The following CRBN variants were observed in gnomAD, a reference collection of about 807,000 sequenced individuals.
The protein encoded by CRBN is protein cereblon.
CRBN carries 53 observed loss-of-function variants against 62.2 expected under a neutral mutation model. The ratio of observed to expected loss-of-function variants is 0.85; its 90% CI spans 0.68 to 1.07. The LOEUF is 1.07. CRBN is among the 50% of genes least tolerant of loss of function. CRBN has a pLI of 0.00. For synonymous variants in CRBN, 208 were observed against 176.1 expected (o/e 1.18, Z -1.43); for missense variants, 616 against 531.1 (o/e 1.16, Z -1.57).
intron 4 of CRBN, among the ~76,000 whole-genome samples, chr3:3,171,994 C>G (rs1707636445): frequency 6.6e-6 from 1 of 152,144 alleles, no homozygotes; most frequent in South Asian, 2.1e-4. Flanking sequence ...GAGGTAATAT[C>G]CAGTGATCAA....
intron 5 of CRBN, among the ~76,000 whole-genome samples, chr3:3,161,257 G>A (rs1707128439): frequency 6.6e-6 from 1 of 152,268 alleles, no homozygotes. Flanking sequence ...TCAACAAGCC[G>A]TAGAAAAATG....
intron 4 of CRBN, among the ~76,000 whole-genome samples, chr3:3,171,554 A>C (rs964093633): frequency 2.0e-5 from 3 of 152,208 alleles, no homozygotes; most frequent in African/African-American, 7.2e-5. Context: ...AGGCTATCAA[A>C]GTTTGCACAG....
chr3:3,167,994 A>G (rs1490964494), intron 4 of CRBN, among the ~76,000 whole-genome samples: 3 of 152,038 alleles, frequency 2.0e-5, no homozygotes, highest in Non-Finnish European at 4.4e-5. Flanking sequence ...GTTAAAACCA[A>G]AGATAACCTA....
At chr3:3,152,722 T>A in intron 9 of CRBN, 135 bp from the exon 10 acceptor site, 1 of 1,041,558 alleles carries the variant, frequency 9.6e-7, no homozygotes, top group Admixed American at 2.0e-5. Context: ...TTTTATATAA[T>A]ACCAGGATCT....
intron 5 of CRBN, among the ~76,000 whole-genome samples, chr3:3,157,780 TA>T (rs1402395996): frequency 1.4e-4 from 22 of 152,312 alleles, no homozygotes; most frequent in Non-Finnish European, 2.4e-4. Flanking sequence ...GGTGCAAAAG[TA>T]ACTGCGGTTT....
chr3:3,155,662 C>T (rs943500591), intron 6 of CRBN: 3 of 154,194 alleles, frequency 1.9e-5, no homozygotes, highest in African/African-American at 7.2e-5. Flanking sequence ...AATTAATAGA[C>T]TAATGATCAA....
At chr3:3,156,316 C>G (rs1177309033) in intron 5 of CRBN, 35 bp from the exon 6 acceptor site, 2 of 1,574,838 alleles carry the variant, frequency 1.3e-6, no homozygotes, top group Admixed American at 3.3e-5. Flanking sequence ...TAAAAAACCC[C>G]ACAGAATAAA....
Position 3,150,853 on chromosome 3 carries a change from T to TATCA in CRBN, c.*8_*11dup, listed in dbSNP as rs759273775. On this transcript the variant is annotated 3_prime_UTR_variant, in exon 11 of 11. Transcript: ENST00000231948. Reference sequence around the variant, plus strand: ...CCAATTTGTTAGATAACTTTATCTCTATCACATCTGTTTACAAGCAAAGTA... The same window carrying TATCA: ...CCAATTTGTTAGATAACTTTATCTCTATCAATCACATCTGTTTACAAGCAAAGTA... The TATCA allele has an allele frequency of 8.7e-6, 14 of 1,611,782 alleles. No homozygotes were observed. Among genetic ancestry groups the TATCA allele is most frequent in the African/African-American group, 4.0e-5 (3 of 74,864 alleles).
chr3:3,179,688 G>A lies in CRBN; in HGVS notation c.-1C>T. 1 of 1,613,188 alleles carries A rather than the reference G, an allele frequency of 6.2e-7. No individual in the cohort carries two copies. The highest frequency in any genetic ancestry group is 8.5e-7 in the Non-Finnish European group (1 of 1,179,506). Reference sequence around the variant, plus strand: ...CCTGCTGATCTCCTTCGCCGGCCATGTCTGTTTACCCGCAAAGGAGGCTGG... The same window carrying A: ...CCTGCTGATCTCCTTCGCCGGCCATATCTGTTTACCCGCAAAGGAGGCTGG... On this transcript the variant is annotated 5_prime_UTR_variant, in exon 1 of 11. Coordinates refer to ENST00000231948, the MANE Select transcript of CRBN (RefSeq NM_016302.4).
At chr3:3,169,911 A>T (rs1042264831) in intron 4 of CRBN, among the ~76,000 whole-genome samples, 3 of 151,634 alleles carry the variant, frequency 2.0e-5, no homozygotes, top group African/African-American at 7.3e-5. Context: ...AAAAATTTCT[A>T]TGTGTTCAGA....
At chr3:3,155,016 T>C in intron 6 of CRBN, 185 bp from the exon 7 acceptor site, 2 of 606,794 alleles carry the variant, frequency 3.3e-6, no homozygotes, top group Non-Finnish European at 2.9e-6. Flanking sequence ...TGCCCAGCAC[T>C]GTCTGCCTTC....
intron 6 of CRBN, 71 bp downstream of exon 6, chr3:3,156,148 T>G (rs916789765): frequency 7.6e-7 from 1 of 1,314,680 alleles, no homozygotes; most frequent in Non-Finnish European, 1.1e-6. Context: ...AACTAAACCT[T>G]TGTTTTTTAA....
intron 3 of CRBN, 61 bp downstream of exon 3, chr3:3,173,998 C>T: frequency 2.1e-6 from 3 of 1,399,076 alleles, no homozygotes; most frequent in Middle Eastern, 1.8e-4. Context: ...GGCTTCAACA[C>T]TGACCACTGC....
chr3:3,175,622 G>C (rs778076270), intron 1 of CRBN, among the ~76,000 whole-genome samples: 3 of 152,158 alleles, frequency 2.0e-5, no homozygotes, highest in Non-Finnish European at 4.4e-5. Flanking sequence ...CTCTAACTAA[G>C]CTTCATATTT....
intron 1 of CRBN, among the ~76,000 whole-genome samples, chr3:3,175,639 G>A (rs1448067745): frequency 6.6e-6 from 1 of 152,126 alleles, no homozygotes; most frequent in African/African-American, 2.4e-5. Context: ...ATTTTAAATG[G>A]ATTCCCTTAG....
chr3:3,172,409 C>G lies in CRBN; in HGVS notation c.527+367G>C, dbSNP rs1185098721. On this transcript the variant is annotated intron_variant, in intron 4 of 10. Coordinates refer to ENST00000231948, the MANE Select transcript of CRBN (RefSeq NM_016302.4). ...TCTGGTCTCCCTATCCTCTTATGCT[C>G]CGAGAGGCCTTCAATCCTAAAGAAG... The G allele has an allele frequency of 1.0e-5, 3 of 285,812 alleles. No individual in the cohort carries two copies. In the East Asian group the frequency reaches 2.6e-4, roughly 25 times the overall value. The allele number at this position is 285,812 out of a possible 1,614,324, so 17.7% of individuals were successfully genotyped here. A position where few individuals can be genotyped will look rare whatever the true frequency, so the allele number is the denominator to read the frequency against.
Position 3,156,925 on chromosome 3 carries a change from G to A in CRBN, c.688-644C>T, listed in dbSNP as rs531729505. ...AGTTGAATTGTGAATTGTAGAAATT[G>A]TAGAATTTCAGTATTTGAGGGGGAG... On this transcript the variant is annotated intron_variant, in intron 5 of 10. Transcript: ENST00000231948. 4 of 152,440 alleles carry A rather than the reference G, an allele frequency of 2.6e-5. No homozygotes were observed. In the South Asian group the frequency reaches 8.3e-4, roughly 32 times the overall value. 9.4% of individuals were successfully genotyped at this position (152,440 alleles called of 1,614,324 possible).
intron 5 of CRBN, among the ~76,000 whole-genome samples, chr3:3,164,674 G>C (rs1020876856): frequency 6.6e-6 from 1 of 152,192 alleles, no homozygotes; most frequent in Non-Finnish European, 1.5e-5. Flanking sequence ...GCTCAGAAAA[G>C]ACTCTTTATA....
intron 5 of CRBN, among the ~76,000 whole-genome samples, chr3:3,167,233 T>C (rs2126063957): frequency 6.6e-6 from 1 of 152,260 alleles, no homozygotes; most frequent in African/African-American, 2.4e-5. Context: ...CTCTCTGGTT[T>C]GGAAGAAGGA....
Sources: allele counts gnomAD v4.1 joint callset (sites outside exome capture counted in the v4.1 genomes callset), GRCh38; gene constraint gnomAD v4.1.1; transcripts MANE v1.5; gene names NCBI Gene and HGNC (gene_info 2026-07-23, HGNC 2026-07-21).